The following SCD5 variants were observed in gnomAD, a reference collection of about 807,000 sequenced individuals.
The protein encoded by SCD5 is acyl-CoA-desaturase 4.
SCD5 carries 20 observed loss-of-function variants against 30.4 expected under a neutral mutation model. The ratio of observed to expected loss-of-function variants is 0.66; its 90% CI spans 0.46 to 0.96. SCD5 has a LOEUF of 0.96. Among genes scored for constraint, SCD5 ranks in the 40% least tolerant of loss-of-function variants. The pLI is 0.00. For missense variants in SCD5, 381 were observed against 443.3 expected, an observed-to-expected ratio of 0.86 and a Z score of 1.26; for synonymous variants, 173 against 176.4, an observed-to-expected ratio of 0.98 and a Z score of 0.16.
At chr4:82,685,240 C>A (rs1728675521) in intron 2 of SCD5, among the ~76,000 whole-genome samples, 1 of 152,042 alleles carries the variant, frequency 6.6e-6, no homozygotes, top group Non-Finnish European at 1.5e-5. Flanking sequence ...CAGAACAAAT[C>A]CGGAGTGTAG....
intron 3 of SCD5, among the ~76,000 whole-genome samples, chr4:82,665,061 C>CAT (rs200005307): frequency 4.5e-4 from 10 of 22,328 alleles, no homozygotes; most frequent in African/African-American, 1.6e-3. Context: ...TACACACACA[C>CAT]ATATATATAT....
intron 1 of SCD5, among the ~76,000 whole-genome samples, chr4:82,708,812 C>T (rs565944679): frequency 1.3e-5 from 2 of 152,346 alleles, no homozygotes; most frequent in East Asian, 3.9e-4. Context: ...CAGCCCCCTT[C>T]AAGAGCCATC....
chr4:82,769,573 G>A (rs1360104787), intron 1 of SCD5, among the ~76,000 whole-genome samples: 1 of 152,098 alleles, frequency 6.6e-6, no homozygotes, highest in Non-Finnish European at 1.5e-5. Flanking sequence ...CTATATTGAT[G>A]CATTTTTTTC....
intron 1 of SCD5, among the ~76,000 whole-genome samples, chr4:82,776,351 A>G (rs2148850042): frequency 6.6e-6 from 1 of 152,312 alleles, no homozygotes; most frequent in East Asian, 1.9e-4. Context: ...CATGTGAAAA[A>G]AAGATCATTT....
chr4:82,783,036 T>C (rs1329680971), intron 1 of SCD5, among the ~76,000 whole-genome samples: 1 of 152,236 alleles, frequency 6.6e-6, no homozygotes, highest in Non-Finnish European at 1.5e-5. Flanking sequence ...CAACACTTGA[T>C]AAAATGCAGA....
chr4:82,757,444 T>C (rs1456420103), intron 1 of SCD5, among the ~76,000 whole-genome samples: 1 of 152,190 alleles, frequency 6.6e-6, no homozygotes, highest in African/African-American at 2.4e-5. Context: ...GTACCTAGCA[T>C]TCAATTCAAC....
chr4:82,763,222 GAT>G (rs1193290088), intron 1 of SCD5, among the ~76,000 whole-genome samples: 1 of 152,060 alleles, frequency 6.6e-6, no homozygotes, highest in Non-Finnish European at 1.5e-5. Context: ...TTTAAGAAGT[GAT>G]TACGTGGCCA....
intron 1 of SCD5, among the ~76,000 whole-genome samples, chr4:82,789,887 G>A (rs997516447): frequency 5.3e-5 from 8 of 152,208 alleles, no homozygotes; most frequent in Non-Finnish European, 1.0e-4. Context: ...GAAGGAAGGG[G>A]AAGGAGGACA....
intron 3 of SCD5, among the ~76,000 whole-genome samples, chr4:82,649,141 A>C (rs1727692018): frequency 6.7e-6 from 1 of 149,696 alleles, no homozygotes; most frequent in Non-Finnish European, 1.5e-5. Flanking sequence ...ACTGCTTGTG[A>C]TTTACTTGAA....
chr4:82,720,119 C>T (rs918033298), intron 1 of SCD5, among the ~76,000 whole-genome samples: 1 of 152,036 alleles, frequency 6.6e-6, no homozygotes, highest in African/African-American at 2.4e-5. Context: ...TCATTCATGA[C>T]TTGGAAAATT....
At chr4:82,762,503 A>G (rs954687522) in intron 1 of SCD5, among the ~76,000 whole-genome samples, 2 of 152,160 alleles carry the variant, frequency 1.3e-5, no homozygotes, top group African/African-American at 4.8e-5. Flanking sequence ...TCGGCCTCCC[A>G]AAGTGCTGGG....
At chr4:82,635,245 A>G (rs1217008718) in intron 4 of SCD5, among the ~76,000 whole-genome samples, 1 of 152,210 alleles carries the variant, frequency 6.6e-6, no homozygotes, top group African/African-American at 2.4e-5. Flanking sequence ...TGCTATGATT[A>G]TCCCTGCTAT....
intron 3 of SCD5, among the ~76,000 whole-genome samples, chr4:82,679,226 AAG>A (rs1728504084): frequency 1.2e-4 from 11 of 90,288 alleles, no homozygotes; most frequent in African/African-American, 3.8e-4. Flanking sequence ...AAAGAAAAGA[AAG>A]AAAGAAAGAA....
chr4:82,735,922 G>A (rs1720740864), intron 1 of SCD5, among the ~76,000 whole-genome samples: 1 of 152,174 alleles, frequency 6.6e-6, no homozygotes, highest in African/African-American at 2.4e-5. Flanking sequence ...CCAAGAACTT[G>A]TCAATGATGT....
intron 1 of SCD5, among the ~76,000 whole-genome samples, chr4:82,756,804 T>C (rs1341367168): frequency 2.0e-5 from 3 of 152,034 alleles, no homozygotes; most frequent in Non-Finnish European, 4.4e-5. Flanking sequence ...TTGTCTGTAG[T>C]CTTGCCCCCC....
chr4:82,780,374 C>T (rs941300815), intron 1 of SCD5, among the ~76,000 whole-genome samples: 2 of 152,216 alleles, frequency 1.3e-5, no homozygotes, highest in Non-Finnish European at 1.5e-5. Context: ...TCCATCTCCC[C>T]TTCTAGATCT....
At chr4:82,713,555 A>G (rs1047807626) in intron 1 of SCD5, among the ~76,000 whole-genome samples, 2 of 152,204 alleles carry the variant, frequency 1.3e-5, no homozygotes, top group Non-Finnish European at 2.9e-5. Context: ...AGCAATTGTC[A>G]CGTTGTTATT....
chr4:82,769,405 G>A (rs1721568174), intron 1 of SCD5, among the ~76,000 whole-genome samples: 1 of 152,162 alleles, frequency 6.6e-6, no homozygotes, highest in African/African-American at 2.4e-5. Context: ...CAAGTAGGTA[G>A]TGTTTTCCAG....
intron 1 of SCD5, 131 bp downstream of exon 1, chr4:82,798,175 G>C: frequency 9.8e-7 from 1 of 1,015,960 alleles, no homozygotes; most frequent in Non-Finnish European, 1.2e-6. Flanking sequence ...GCCGCGGCGC[G>C]CAGCGGGAGG....
Sources: allele counts gnomAD v4.1 joint callset (sites outside exome capture counted in the v4.1 genomes callset), GRCh38; gene constraint gnomAD v4.1.1; transcripts MANE v1.5; gene names NCBI Gene and HGNC (gene_info 2026-07-23, HGNC 2026-07-21).